ANO3: variants seen among roughly 807,000 people sequenced by gnomAD.
ANO3 encodes the protein anoctamin-3.
In ANO3, 99 loss-of-function variants were observed where a neutral mutation model predicts 144.8. That is an observed-to-expected ratio of 0.68 (90% CI 0.58 to 0.81). ANO3 has a LOEUF of 0.81. ANO3 is among the 30% of genes least tolerant of loss of function. The pLI is 0.00. For synonymous variants in ANO3, 414 were observed against 392.6 expected (o/e 1.05, Z -0.64); for missense variants, 905 against 1,202.2 (o/e 0.75, Z 3.66).
At chr11:26,305,265 A>G (rs546617142), upstream of ANO3, among the ~76,000 whole-genome samples, 2 of 152,078 alleles carry the variant, frequency 1.3e-5, no homozygotes, top group Admixed American at 1.3e-4. Flanking sequence ...AATCTGGTTT[A>G]GATGTCTTTA....
chr11:26,397,095 G>C (rs1198223427), intron 1 of ANO3, among the ~76,000 whole-genome samples: 6 of 151,918 alleles, frequency 3.9e-5, no homozygotes, highest in African/African-American at 2.4e-5. Context: ...CAGTTCATAG[G>C]ACATTTAGGT....
chr11:26,590,075 C>G (rs1851400168), intron 14 of ANO3, among the ~76,000 whole-genome samples: 1 of 152,184 alleles, frequency 6.6e-6, no homozygotes, highest in Non-Finnish European at 1.5e-5. Flanking sequence ...GCCCTTTACC[C>G]TCTAAGAGAA....
intron 1 of ANO3, among the ~76,000 whole-genome samples, chr11:26,406,676 A>AGTGTGTGTGTGT (rs72102663): frequency 8.4e-6 from 1 of 119,244 alleles, no homozygotes. Flanking sequence ...AATCTATGGC[A>AGTGTGTGTGTGT]GTGTGTGTGT....
At position 26,261,780 on chromosome 11, in the gene ANO3, G is replaced by A. The variant is rs563045780; in HGVS notation, c.155-47865G>A. 2.0e-5 allele frequency among the ~76,000 whole-genome samples: 3 copies of A among 152,308 alleles called. No individual in the cohort carries two copies. In the South Asian group the frequency reaches 6.2e-4, roughly 32 times the overall value. ...TATTTCTGAAAATTTAAGAGTAATG[G>A]CTTAGCTTTGTAAAAGGAGGTGAAA... On this transcript the variant is annotated intron_variant, in intron 1 of 27. Coordinates refer to the ANO3 transcript ENST00000672621.
chr11:26,642,747 T>C (rs1853208703), intron 22 of ANO3, among the ~76,000 whole-genome samples: 1 of 152,194 alleles, frequency 6.6e-6, no homozygotes, highest in Non-Finnish European at 1.5e-5. Flanking sequence ...TCCGTCTGAA[T>C]CTTAACTTCT....
At chr11:26,482,493 T>C (rs1860262901) in intron 4 of ANO3, among the ~76,000 whole-genome samples, 1 of 150,714 alleles carries the variant, frequency 6.6e-6, no homozygotes, top group Non-Finnish European at 1.5e-5. Context: ...AAGTCCTACT[T>C]AGAAATTATC....
rs1565145529 is a variant in ANO3, at chr11:26,616,997, T to A, written c.1837-7465T>A. Reference sequence around the variant, plus strand: ...CATGCTGGCCAGGCTGGTTTCGACCTCCTGACCTCATGATCCACCTGCCTC... The same window carrying A: ...CATGCTGGCCAGGCTGGTTTCGACCACCTGACCTCATGATCCACCTGCCTC... On this transcript the variant is annotated intron_variant, in intron 17 of 26. Coordinates refer to ENST00000256737, the MANE Select transcript of ANO3 (RefSeq NM_031418.4). 2.0e-5 allele frequency among the ~76,000 whole-genome samples: 3 copies of A among 152,286 alleles called. No homozygotes were observed. The East Asian group carries it at 5.8e-4, about 29-fold the overall frequency.
intron 18 of ANO3, among the ~76,000 whole-genome samples, chr11:26,631,152 C>T (rs1173205188): frequency 6.6e-6 from 1 of 151,954 alleles, no homozygotes; most frequent in Non-Finnish European, 1.5e-5. Context: ...CTCTTCAGTA[C>T]AGTGTTTGTA....
intron 14 of ANO3, among the ~76,000 whole-genome samples, chr11:26,584,461 T>A (rs1851222567): frequency 6.6e-6 from 1 of 152,136 alleles, no homozygotes; most frequent in Non-Finnish European, 1.5e-5. Flanking sequence ...CCAATGAGAT[T>A]CCTTGAAGCA....
At chr11:26,638,395 G>C (rs1455751001) in intron 20 of ANO3, among the ~76,000 whole-genome samples, 1 of 152,172 alleles carries the variant, frequency 6.6e-6, no homozygotes, top group Admixed American at 6.6e-5. Flanking sequence ...CTAAACATAA[G>C]AAAAACCATT....
At chr11:26,567,521 C>T (rs1850637599) in intron 14 of ANO3, among the ~76,000 whole-genome samples, 1 of 151,946 alleles carries the variant, frequency 6.6e-6, no homozygotes, top group Non-Finnish European at 1.5e-5. Flanking sequence ...TCCTCTCTTA[C>T]ATAATAATTT....
intron 3 of ANO3, among the ~76,000 whole-genome samples, chr11:26,454,687 A>C (rs1859081957): frequency 1.3e-5 from 2 of 152,080 alleles, no homozygotes; most frequent in Non-Finnish European, 1.5e-5. Flanking sequence ...AAACTATTCC[A>C]ATCGATAGAA....
chr11:26,342,372 A>AG (rs1855385950), intron 1 of ANO3, among the ~76,000 whole-genome samples: 1 of 152,208 alleles, frequency 6.6e-6, no homozygotes, highest in Admixed American at 6.5e-5. Context: ...CCATGAGGGT[A>AG]GATTCATATA....
chr11:26,609,370 G>C (rs1171144311), intron 17 of ANO3, among the ~76,000 whole-genome samples: 1 of 151,690 alleles, frequency 6.6e-6, no homozygotes, highest in East Asian at 1.9e-4. Context: ...TCCTGCAGGT[G>C]CAGGATATCA....
At chr11:26,409,945 T>A (rs1857387533) in intron 1 of ANO3, among the ~76,000 whole-genome samples, 1 of 151,956 alleles carries the variant, frequency 6.6e-6, no homozygotes, top group Non-Finnish European at 1.5e-5. Flanking sequence ...GCAGTAGTAA[T>A]TTTCTACACG....
upstream of ANO3, among the ~76,000 whole-genome samples, chr11:26,304,738 A>G (rs1358085762): frequency 2.6e-5 from 4 of 152,280 alleles, no homozygotes; most frequent in South Asian, 2.1e-4. Flanking sequence ...TTTGTGTTCA[A>G]TTTTTCAATG....
intron 4 of ANO3, among the ~76,000 whole-genome samples, chr11:26,463,364 A>G (rs1176938506): frequency 3.3e-5 from 5 of 151,884 alleles, no homozygotes; most frequent in Non-Finnish European, 5.9e-5. Context: ...AATGTTTAAA[A>G]TACTTAATCT....
intron 1 of ANO3, among the ~76,000 whole-genome samples, chr11:26,294,386 T>C (rs919988352): frequency 1.3e-5 from 2 of 152,220 alleles, no homozygotes; most frequent in Non-Finnish European, 2.9e-5. Context: ...TGTTTTGTTT[T>C]ACTTTATTTT....
At chr11:26,420,248 C>T (rs905535090) in intron 1 of ANO3, among the ~76,000 whole-genome samples, 1 of 151,866 alleles carries the variant, frequency 6.6e-6, no homozygotes, top group Non-Finnish European at 1.5e-5. Context: ...AGAGTACTTA[C>T]AGTATATGGA....
Sources: gnomAD v4.1 joint callset for allele counts (sites outside exome capture counted in the v4.1 genomes callset) on GRCh38, gnomAD v4.1.1 for gene constraint, MANE v1.5 for transcripts, NCBI Gene and HGNC (gene_info 2026-07-23, HGNC 2026-07-21) for gene names.